Variants in NRXN1 observed in about 807,000 individuals in gnomAD.
The protein encoded by NRXN1 is neurexin 1, also known as neurexin-1.
A neutral mutation model predicts 150.9 loss-of-function variants in NRXN1; 39 were observed. The ratio of observed to expected loss-of-function variants is 0.26; its 90% CI spans 0.20 to 0.34. The LOEUF (loss-of-function observed/expected upper bound fraction) is 0.34, where lower values mean the gene tolerates loss of function less well. Ranked by LOEUF, NRXN1 falls within the 10% of genes least tolerant of loss-of-function variation. The probability of loss-of-function intolerance (pLI) is 1.00; values close to 1 mark genes in which losing one functional copy is unlikely to be tolerated. For synonymous variants in NRXN1, 924 were observed against 757.0 expected (o/e 1.22, Z -3.62); for missense variants, 1,815 against 1,949.9 (o/e 0.93, Z 1.30).
intron 5 of NRXN1, among the ~76,000 whole-genome samples, chr2:50,695,488 C>A (rs1692693596): frequency 6.6e-6 from 1 of 152,168 alleles, no homozygotes; most frequent in African/African-American, 2.4e-5. Flanking sequence ...TAGCCAGAGA[C>A]ATCTTGCTAG....
intron 5 of NRXN1, among the ~76,000 whole-genome samples, chr2:50,899,320 G>GGTT: frequency 6.6e-6 from 1 of 152,260 alleles, no homozygotes; most frequent in South Asian, 2.1e-4. Context: ...AGATAAAACT[G>GGTT]GTTGCAGAAG....
At chr2:50,241,788 G>C (rs1286183792) in intron 17 of NRXN1, among the ~76,000 whole-genome samples, 1 of 151,642 alleles carries the variant, frequency 6.6e-6, no homozygotes, top group African/African-American at 2.4e-5. Flanking sequence ...CTCCCTTCTT[G>C]TTCTTTCTTG....
intron 15 of NRXN1, among the ~76,000 whole-genome samples, chr2:50,474,106 A>G (rs1186600257): frequency 1.3e-5 from 2 of 151,940 alleles, no homozygotes; most frequent in Non-Finnish European, 2.9e-5. Context: ...AAAAGACAGC[A>G]TGGTTTTGGT....
chr2:49,964,580 C>A (rs1466521826), intron 21 of NRXN1, among the ~76,000 whole-genome samples: 2 of 151,842 alleles, frequency 1.3e-5, no homozygotes, highest in African/African-American at 4.8e-5. Context: ...TGGCTCACAT[C>A]TGTAATCCCA....
chr2:50,255,245 T>C (rs1454799733), intron 17 of NRXN1, among the ~76,000 whole-genome samples: 5 of 152,180 alleles, frequency 3.3e-5, no homozygotes, highest in Non-Finnish European at 7.3e-5. Context: ...TTTTAACCCA[T>C]GAAGTTCTTT....
In NRXN1 at chr2:50,050,221, A is replaced by G. The variant is rs115824929; in HGVS notation, c.4128+3050T>C. ...TAAGTAGGAATATAAACAGGACTTT[A>G]TGGAGGATATTTTGATGAACACTAC... On this transcript the variant is annotated intron_variant, in intron 21 of 22. Coordinates refer to ENST00000401669, the MANE Select transcript of NRXN1 (RefSeq NM_001330078.2). Among the ~76,000 whole-genome samples, 74 of 147,234 alleles carry G rather than the reference A, an allele frequency of 5.0e-4. 1 individual carries two copies. The highest frequency in any genetic ancestry group is 8.5e-4 in the Non-Finnish European group (57 of 67,060).
chr2:50,847,615 C>T (rs1020457864), intron 5 of NRXN1, among the ~76,000 whole-genome samples: 2 of 152,154 alleles, frequency 1.3e-5, no homozygotes, highest in Non-Finnish European at 2.9e-5. Flanking sequence ...CTATAAAAAC[C>T]GGAGACCCTA....
chr2:50,826,697 G>A (rs1670493829), intron 5 of NRXN1, among the ~76,000 whole-genome samples: 1 of 152,130 alleles, frequency 6.6e-6, no homozygotes, highest in South Asian at 2.1e-4. Context: ...TATCTATTGA[G>A]AAGAAACTTC....
intron 5 of NRXN1, among the ~76,000 whole-genome samples, chr2:50,848,517 C>T (rs1249461480): frequency 3.9e-5 from 6 of 152,164 alleles, no homozygotes; most frequent in Admixed American, 3.3e-4. Context: ...CCAACAATTT[C>T]AGAGGCGGGA....
chr2:51,012,068 C>G (rs1037010722), intron 2 of NRXN1, among the ~76,000 whole-genome samples: 1 of 151,954 alleles, frequency 6.6e-6, no homozygotes, highest in Non-Finnish European at 1.5e-5. Context: ...ATGTTGTCTA[C>G]CAGCCCACCC....
At chr2:50,619,614 T>C (rs57088104) in intron 8 of NRXN1, 6,683 of 307,548 alleles carry the variant, frequency 0.022, 500 homozygotes, top group East Asian at 0.19. Flanking sequence ...GCTTCTCCTA[T>C]AGGCTAATTG....
At chr2:50,959,269 G>A (rs920172720) in intron 2 of NRXN1, among the ~76,000 whole-genome samples, 5 of 151,956 alleles carry the variant, frequency 3.3e-5, no homozygotes, top group African/African-American at 1.2e-4. Flanking sequence ...ACATACTCAA[G>A]AGAACGGAAA....
intron 5 of NRXN1, among the ~76,000 whole-genome samples, chr2:50,689,109 C>A (rs140546770): frequency 1.3e-5 from 2 of 152,078 alleles, no homozygotes; most frequent in African/African-American, 4.8e-5. Context: ...TGAGATCCAC[C>A]TCAAAACCTT....
At chr2:50,261,246 A>C (rs2152911875) in intron 17 of NRXN1, among the ~76,000 whole-genome samples, 1 of 151,888 alleles carries the variant, frequency 6.6e-6, no homozygotes, top group South Asian at 2.1e-4. Context: ...CCCTAGGCCA[A>C]ATTTGACCCT....
intron 19 of NRXN1, among the ~76,000 whole-genome samples, chr2:50,077,688 C>G (rs1697313721): frequency 6.6e-6 from 1 of 152,026 alleles, no homozygotes; most frequent in African/African-American, 2.4e-5. Context: ...CCAAAATATT[C>G]CTTTATTCTG....
chr2:50,021,092 T>C (rs926142757), intron 21 of NRXN1, among the ~76,000 whole-genome samples: 3 of 152,200 alleles, frequency 2.0e-5, no homozygotes, highest in African/African-American at 7.2e-5. Context: ...AACTCTTGCC[T>C]AGCAGCTTCA....
intron 5 of NRXN1, among the ~76,000 whole-genome samples, chr2:50,826,300 A>G (rs1670437646): frequency 6.6e-6 from 1 of 152,192 alleles, no homozygotes; most frequent in Non-Finnish European, 1.5e-5. Flanking sequence ...TAAAAGTAAA[A>G]ACAAGTATGA....
At chr2:50,638,392 T>C (rs1299435851) in intron 5 of NRXN1, among the ~76,000 whole-genome samples, 1 of 152,124 alleles carries the variant, frequency 6.6e-6, no homozygotes, top group Non-Finnish European at 1.5e-5. Flanking sequence ...TCCATGAAAA[T>C]AATTCACATC....
At chr2:50,913,568 G>C (rs1033517144) in intron 5 of NRXN1, among the ~76,000 whole-genome samples, 2 of 151,658 alleles carry the variant, frequency 1.3e-5, no homozygotes, top group South Asian at 4.2e-4. Flanking sequence ...TAATTGTATA[G>C]TCTATACCTG....
Sources: gnomAD v4.1 joint callset for allele counts (sites outside exome capture counted in the v4.1 genomes callset) on GRCh38, gnomAD v4.1.1 for gene constraint, MANE v1.5 for transcripts, NCBI Gene and HGNC (gene_info 2026-07-23, HGNC 2026-07-21) for gene names.